Variants in MYBL2 observed in about 807,000 individuals in gnomAD.
The protein encoded by MYBL2 is myb-related protein B.
A neutral mutation model predicts 79.9 loss-of-function variants in MYBL2; 28 were observed. The ratio of observed to expected loss-of-function variants is 0.35; its 90% CI spans 0.26 to 0.48. The LOEUF is 0.48. Ranked by LOEUF, MYBL2 falls within the 20% of genes least tolerant of loss-of-function variation. MYBL2 has a pLI of 0.99. For missense variants in MYBL2, 735 were observed against 893.9 expected, an observed-to-expected ratio of 0.82 and a Z score of 2.27; for synonymous variants, 378 against 361.2, an observed-to-expected ratio of 1.05 and a Z score of -0.53.
intron 6 of MYBL2, among the ~76,000 whole-genome samples, chr20:43,695,710 G>A (rs1346609127): frequency 6.7e-6 from 1 of 149,942 alleles, no homozygotes; most frequent in African/African-American, 2.4e-5. Flanking sequence ...AGCTGGTGCG[G>A]TGGCACACAC....
At chr20:43,678,554 G>A (rs1987070525) in intron 2 of MYBL2, among the ~76,000 whole-genome samples, 1 of 151,952 alleles carries the variant, frequency 6.6e-6, no homozygotes, top group South Asian at 2.1e-4. Context: ...GCTGTGTGGG[G>A]GATCGATAAG....
intron 4 of MYBL2, among the ~76,000 whole-genome samples, chr20:43,684,653 G>C (rs910492991): frequency 6.6e-6 from 1 of 151,326 alleles, no homozygotes; most frequent in Non-Finnish European, 1.5e-5. Flanking sequence ...TGGGATTACA[G>C]TCATGAGCCA....
At chr20:43,685,745 A>T (rs1222223726) in intron 4 of MYBL2, among the ~76,000 whole-genome samples, 2 of 151,964 alleles carry the variant, frequency 1.3e-5, no homozygotes, top group Non-Finnish European at 2.9e-5. Flanking sequence ...ACAGAGTGAG[A>T]CACTGTCTCA....
At position 43,705,949 on chromosome 20, in the gene MYBL2, C is replaced by T. The variant is rs565640932; in HGVS notation, c.1505+591C>T. 4.6e-5 allele frequency among the ~76,000 whole-genome samples: 7 copies of T among 152,124 alleles called. No individual in the cohort carries two copies. The East Asian group carries it at 1.4e-3, about 30-fold the overall frequency. On this transcript the variant is annotated intron_variant, in intron 9 of 13. Transcript: ENST00000217026. ...TCTCCTGACCTCGTGATCCTCCTGC[C>T]TCAGCCTCCCAAAATGCTGGGATTA...
intron 8 of MYBL2, among the ~76,000 whole-genome samples, chr20:43,704,899 T>C (rs1261392731): frequency 6.6e-6 from 1 of 152,202 alleles, no homozygotes; most frequent in Admixed American, 6.5e-5. Flanking sequence ...GCTAGTTTTA[T>C]TTCTTCTGAG....
chr20:43,685,822 G>A (rs1987259759), intron 4 of MYBL2, among the ~76,000 whole-genome samples: 1 of 151,994 alleles, frequency 6.6e-6, no homozygotes, highest in Non-Finnish European at 1.5e-5. Context: ...CGGATCACCT[G>A]AGGTCGGGAG....
intron 8 of MYBL2, among the ~76,000 whole-genome samples, chr20:43,703,728 G>T (rs929278946): frequency 2.6e-5 from 4 of 152,116 alleles, no homozygotes; most frequent in Non-Finnish European, 5.9e-5. Flanking sequence ...TGGTGCAGGA[G>T]GCCACCCTGT....
chr20:43,701,056 G>A (rs1987665885), intron 7 of MYBL2, among the ~76,000 whole-genome samples: 1 of 152,168 alleles, frequency 6.6e-6, no homozygotes, highest in Admixed American at 6.6e-5. Flanking sequence ...GTGGGTAGTG[G>A]ACTCATCAAC....
intron 1 of MYBL2, among the ~76,000 whole-genome samples, chr20:43,671,463 ATT>A (rs376522569): frequency 1.1e-4 from 8 of 70,864 alleles, no homozygotes; most frequent in African/African-American, 4.2e-4. Flanking sequence ...GCTGATTTCC[ATT>A]TTTTTTTTTT....
intron 2 of MYBL2, among the ~76,000 whole-genome samples, chr20:43,677,966 ATTC>A (rs1455939778): frequency 3.9e-5 from 6 of 152,230 alleles, no homozygotes. Flanking sequence ...ACTAAGAAAA[ATTC>A]TTCTGCCTTG....
In MYBL2 at chr20:43,702,727, G is replaced by A. The variant is rs1568872288; in HGVS notation, c.1189G>A (p.Glu397Lys). ...GELIPISPSTEVGGSGIGTPP... is the reference protein window; with the variant it reads ...GELIPISPSTKVGGSGIGTPP... ...GCTGATCCCCATCTCCCCCAGCACT[G>A]AAGTCGGGGGCTCTGGCATTGGCAC... Residue 397 changes from glutamate to lysine, a missense_variant, in exon 8 of 14, where the codon GAA becomes AAA. Around this residue, in one of 5 missense-constraint regions of MYBL2, gnomAD observed 243 missense variants for 327.2 expected, o/e 0.74. Transcript: ENST00000217026. 6.2e-7 allele frequency: 1 copy of A among 1,614,084 alleles called. No homozygotes were observed. The highest frequency in any genetic ancestry group is 8.5e-7 in the Non-Finnish European group (1 of 1,179,988).
chr20:43,706,645 T>G (rs534112397), intron 9 of MYBL2, among the ~76,000 whole-genome samples: 84 of 149,096 alleles, frequency 5.6e-4, no homozygotes, highest in Non-Finnish European at 9.8e-4. Context: ...GGTGGGAGGA[T>G]CACTTGAGAC....
chr20:43,687,399 AAC>A (rs1568858911), intron 5 of MYBL2, among the ~76,000 whole-genome samples: 1 of 152,210 alleles, frequency 6.6e-6, no homozygotes, highest in Non-Finnish European at 1.5e-5. Context: ...AGTTTCTTCT[AAC>A]ACAGAATAGG....
chr20:43,697,148 G>T (rs1238073832), intron 6 of MYBL2, among the ~76,000 whole-genome samples: 1 of 152,122 alleles, frequency 6.6e-6, no homozygotes, highest in East Asian at 1.9e-4. Context: ...TGGTATATAG[G>T]ACTGCTTGTT....
At chr20:43,693,448 G>C (rs996372886) in intron 6 of MYBL2, among the ~76,000 whole-genome samples, 15 of 152,060 alleles carry the variant, frequency 9.9e-5, no homozygotes, top group Admixed American at 8.5e-4. Context: ...AAGCGATTCT[G>C]CTAACTCAGC....
At position 43,715,246 on chromosome 20, in the gene MYBL2, CCCAGAAG is replaced by C; in HGVS notation, c.1940_1946del (p.Gln647ProfsTer40). The C allele has an allele frequency of 6.2e-7, 1 of 1,614,238 alleles. No homozygotes were observed. On this transcript the variant is annotated frameshift_variant, in exon 13 of 14. Transcript: ENST00000217026. LOFTEE classifies it high-confidence loss of function. ...GCCAAGCCCGAGAAGGCAGCAGTGG[CCCAGAAG>C]CCCCGAAGCCACTTCACGACACCTG...
chr20:43,679,168 T>A (rs1472744328), intron 2 of MYBL2, among the ~76,000 whole-genome samples: 1 of 152,100 alleles, frequency 6.6e-6, no homozygotes, highest in Non-Finnish European at 1.5e-5. Flanking sequence ...GGGAAGGGTG[T>A]CCTGGGCTGG....
intron 5 of MYBL2, 63 bp downstream of exon 5, chr20:43,687,135 A>G (rs1987296590): frequency 1.3e-6 from 2 of 1,539,850 alleles, no homozygotes; most frequent in Non-Finnish European, 1.8e-6. Flanking sequence ...TTTCTGATGG[A>G]GGAGGGTTCC....
chr20:43,698,303 G>C (rs1168252226), intron 6 of MYBL2, among the ~76,000 whole-genome samples: 2 of 148,954 alleles, frequency 1.3e-5, no homozygotes, highest in African/African-American at 4.9e-5. Flanking sequence ...GTCTGCCTTG[G>C]CCTCCCAAAG....
Sources: allele counts gnomAD v4.1 joint callset (sites outside exome capture counted in the v4.1 genomes callset), GRCh38; gene constraint gnomAD v4.1.1; regional missense constraint gnomAD v4.1.1; transcripts MANE v1.5; gene names NCBI Gene and HGNC (gene_info 2026-07-23, HGNC 2026-07-21).